Variants in PTPRZ1 observed in about 807,000 individuals in gnomAD.
PTPRZ1 encodes protein tyrosine phosphatase receptor type Z1, also known as receptor-type tyrosine-protein phosphatase zeta.
Under a neutral mutation model 214.1 loss-of-function variants are expected in PTPRZ1, and 82 were observed. The observed-to-expected ratio is 0.38, with a 90% CI of 0.32 to 0.46. PTPRZ1 has a LOEUF of 0.46. Among genes scored for constraint, PTPRZ1 ranks in the 20% least tolerant of loss-of-function variants. The probability of loss-of-function intolerance (pLI) is 1.00; values close to 1 mark genes in which losing one functional copy is unlikely to be tolerated. For synonymous variants in PTPRZ1, 945 were observed against 987.9 expected (o/e 0.96, Z 0.81); for missense variants, 2,603 against 2,748.7 (o/e 0.95, Z 1.19).
At chr7:121,961,891 A>G (rs1796891436) in intron 2 of PTPRZ1, among the ~76,000 whole-genome samples, 1 of 152,198 alleles carries the variant, frequency 6.6e-6, no homozygotes, top group Non-Finnish European at 1.5e-5. Flanking sequence ...AAATATGTAA[A>G]TGAATAACTT....
chr7:122,038,811 T>C lies in PTPRZ1; in HGVS notation c.5424T>C (p.Ala1808=). The part of the protein sequence containing the change: ...IAAQGPLKST[A]EDFWRMIWEH... ...CCCAAGGCCCACTGAAATCCACAGCTGAAGATTTCTGGAGAATGATATGGG... is the reference window on the plus strand; with the variant it reads ...CCCAAGGCCCACTGAAATCCACAGCCGAAGATTTCTGGAGAATGATATGGG... The change falls in exon 19 of 30, where the codon GCT becomes GCC. Residue 1808 remains alanine (A), a synonymous_variant. Transcript: ENST00000393386. The C allele has an allele frequency of 6.2e-7, 1 of 1,613,768 alleles. No homozygotes were observed.
intron 1 of PTPRZ1, among the ~76,000 whole-genome samples, chr7:121,896,439 A>G (rs1314941999): frequency 6.6e-6 from 1 of 152,198 alleles, no homozygotes; most frequent in East Asian, 1.9e-4. Context: ...AGATGGAAAC[A>G]ACCTAAATGT....
At chr7:121,927,636 G>A (rs1304460028) in intron 1 of PTPRZ1, among the ~76,000 whole-genome samples, 1 of 152,152 alleles carries the variant, frequency 6.6e-6, no homozygotes, top group Non-Finnish European at 1.5e-5. Context: ...AACAACATAT[G>A]AACATTTAAA....
At chr7:121,927,317 A>G (rs1409317774) in intron 1 of PTPRZ1, among the ~76,000 whole-genome samples, 1 of 152,256 alleles carries the variant, frequency 6.6e-6, no homozygotes, top group Non-Finnish European at 1.5e-5. Flanking sequence ...ATGAAGTATT[A>G]ATGTTAGTAC....
chr7:122,048,569 A>T (rs1448245479), intron 23 of PTPRZ1, among the ~76,000 whole-genome samples: 3 of 152,174 alleles, frequency 2.0e-5, no homozygotes, highest in Non-Finnish European at 4.4e-5. Context: ...TGTGATTATT[A>T]TGCATTGTAT....
intron 23 of PTPRZ1, among the ~76,000 whole-genome samples, chr7:122,048,234 A>G (rs1434856111): frequency 6.6e-6 from 1 of 152,142 alleles, no homozygotes; most frequent in Admixed American, 6.5e-5. Context: ...TAAATAGAAA[A>G]TTAAAATGAT....
At chr7:121,973,273 T>A (rs949419747) in intron 4 of PTPRZ1, among the ~76,000 whole-genome samples, 3 of 152,138 alleles carry the variant, frequency 2.0e-5, no homozygotes, top group Non-Finnish European at 2.9e-5. Context: ...TTTAAATACA[T>A]TATGATGGAT....
intron 1 of PTPRZ1, among the ~76,000 whole-genome samples, chr7:121,888,512 A>G (rs949296699): frequency 6.6e-6 from 1 of 152,138 alleles, no homozygotes; most frequent in African/African-American, 2.4e-5. Context: ...GAAAAACAAT[A>G]GGAAAATCGA....
chr7:121,968,182 AT>A (rs781251778), intron 3 of PTPRZ1, 52 bp downstream of exon 3: 6 of 1,460,456 alleles, frequency 4.1e-6, no homozygotes, highest in Non-Finnish European at 5.6e-6. Context: ...GACCTGGAGT[AT>A]GTTTAGACTA....
chr7:121,920,170 G>A (rs534012819), intron 1 of PTPRZ1, among the ~76,000 whole-genome samples: 23 of 152,212 alleles, frequency 1.5e-4, no homozygotes, highest in Middle Eastern at 6.8e-3. Flanking sequence ...GGTTATTTGA[G>A]TGTGCCAGTT....
At chr7:121,993,572 C>CAA (rs66916301) in intron 8 of PTPRZ1, among the ~76,000 whole-genome samples, 1,425 of 72,844 alleles carry the variant, frequency 0.02, 37 homozygotes, top group African/African-American at 0.063. Context: ...GAGACTGTCT[C>CAA]AAAAAAAAAA....
intron 6 of PTPRZ1, among the ~76,000 whole-genome samples, chr7:121,979,947 G>A (rs149089165): frequency 0.019 from 2,961 of 151,958 alleles, 48 homozygotes; most frequent in East Asian, 0.085. Context: ...TACCACATCC[G>A]TAAGAGAGAC....
chr7:121,948,100 A>G (rs888259045), intron 2 of PTPRZ1, among the ~76,000 whole-genome samples: 16 of 152,186 alleles, frequency 1.1e-4, no homozygotes, highest in Non-Finnish European at 2.2e-4. Flanking sequence ...AATGATGATA[A>G]GCACAATAAC....
intron 1 of PTPRZ1, among the ~76,000 whole-genome samples, chr7:121,899,262 G>A (rs756649470): frequency 2.6e-4 from 40 of 151,700 alleles, no homozygotes; most frequent in Non-Finnish European, 4.9e-4. Context: ...AGTTCAAATC[G>A]ATTATATTTA....
At chr7:121,981,771 GGTGT>G (rs548092126) in intron 6 of PTPRZ1, among the ~76,000 whole-genome samples, 164 of 149,172 alleles carry the variant, frequency 1.1e-3, no homozygotes, top group East Asian at 7.5e-3. Flanking sequence ...CATATTTATT[GGTGT>G]GTGTGTGTGT....
chr7:121,908,354 A>C (rs1795175913), intron 1 of PTPRZ1: 1 of 214,674 alleles, frequency 4.7e-6, no homozygotes, highest in African/African-American at 2.6e-5. Flanking sequence ...TGTGTAGATC[A>C]ATCCCTTTGG....
intron 21 of PTPRZ1, 30 bp downstream of exon 21, chr7:122,041,009 A>T: frequency 7.0e-7 from 1 of 1,434,838 alleles, no homozygotes. Flanking sequence ...CTCTAAACCC[A>T]TAGAATTGCT....
intron 2 of PTPRZ1, among the ~76,000 whole-genome samples, chr7:121,931,096 T>C (rs1444634435): frequency 2.0e-5 from 3 of 152,228 alleles, no homozygotes; most frequent in Non-Finnish European, 2.9e-5. Flanking sequence ...CAAGAGGTTC[T>C]TTATGAGTAT....
intron 2 of PTPRZ1, among the ~76,000 whole-genome samples, chr7:121,941,630 G>A (rs747533248): frequency 3.3e-5 from 5 of 152,162 alleles, no homozygotes; most frequent in Non-Finnish European, 4.4e-5. Context: ...GAGCTTAAAT[G>A]TCTAAATTAA....
Sources: allele counts gnomAD v4.1 joint callset (sites outside exome capture counted in the v4.1 genomes callset), GRCh38; gene constraint gnomAD v4.1.1; transcripts MANE v1.5; gene names NCBI Gene and HGNC (gene_info 2026-07-23, HGNC 2026-07-21).